APP: variants seen among roughly 807,000 people sequenced by gnomAD.
The protein encoded by APP is amyloid beta precursor protein.
Under a neutral mutation model 101.4 loss-of-function variants are expected in APP, and 31 were observed. That is an observed-to-expected ratio of 0.31 (90% CI 0.23 to 0.41). APP has a LOEUF of 0.41. Ranked by LOEUF, APP falls within the 10% of genes least tolerant of loss-of-function variation. The pLI is 1.00. For missense variants in APP, 839 were observed against 1,003.7 expected, an observed-to-expected ratio of 0.84 and a Z score of 2.22; for synonymous variants, 366 against 364.4, an observed-to-expected ratio of 1.00 and a Z score of -0.05.
At chr21:26,101,867 T>C (rs1255340804) in intron 2 of APP, among the ~76,000 whole-genome samples, 1 of 152,184 alleles carries the variant, frequency 6.6e-6, no homozygotes, top group Non-Finnish European at 1.5e-5. Flanking sequence ...CACAATTTAA[T>C]TGTATTAATA....
intron 17 of APP, among the ~76,000 whole-genome samples, chr21:25,888,293 C>T (rs557908561): frequency 1.8e-4 from 27 of 152,254 alleles, no homozygotes; most frequent in Admixed American, 4.6e-4. Flanking sequence ...TGGGTGCAGA[C>T]GCTGGAATGC....
intron 11 of APP, among the ~76,000 whole-genome samples, chr21:25,964,725 C>T (rs369800572): frequency 7.2e-5 from 11 of 151,792 alleles, no homozygotes; most frequent in Admixed American, 2.6e-4. Flanking sequence ...CTCAGCCTCC[C>T]GAGTAGCTGG....
At chr21:26,111,860 T>C (rs1425627951) in intron 2 of APP, 119 bp downstream of exon 2, 5 of 1,039,644 alleles carry the variant, frequency 4.8e-6, no homozygotes, top group Non-Finnish European at 7.6e-6. Flanking sequence ...GGTGAATCAT[T>C]AGGAACCAAG....
At chr21:26,024,306 C>T (rs1024687026) in intron 5 of APP, among the ~76,000 whole-genome samples, 1 of 150,422 alleles carries the variant, frequency 6.6e-6, no homozygotes, top group Non-Finnish European at 1.5e-5. Context: ...ATAATGTACC[C>T]AGAAGGAAAA....
chr21:26,031,507 AG>A (rs796209089), intron 5 of APP, among the ~76,000 whole-genome samples: 44 of 152,294 alleles, frequency 2.9e-4, no homozygotes, highest in African/African-American at 9.9e-4. Flanking sequence ...ATGGCTGGGG[AG>A]GCCTCAGAAT....
chr21:26,064,646 G>A (rs2830037), intron 3 of APP, among the ~76,000 whole-genome samples: 41,550 of 151,830 alleles, frequency 0.27, 6,993 homozygotes, highest in East Asian at 0.37. Flanking sequence ...AAGGCATGTG[G>A]TCTCTACAGC....
chr21:26,160,235 ACT>A lies in APP; in HGVS notation c.57+10327_57+10328del, dbSNP rs2063463584. 2.0e-5 allele frequency among the ~76,000 whole-genome samples: 3 copies of A among 152,162 alleles called. No homozygotes were observed. In the South Asian group the frequency reaches 6.2e-4, roughly 32 times the overall value. On this transcript the variant is annotated intron_variant, in intron 1 of 17. Coordinates refer to ENST00000346798, the MANE Select transcript of APP (RefSeq NM_000484.4). ...AAAATTGCAATTTTGTCTCAAATGT[ACT>A]CTTAAAAGTGAAACCCTCCACAATT...
intron 5 of APP, among the ~76,000 whole-genome samples, chr21:26,037,543 A>C (rs1461479290): frequency 2.0e-5 from 3 of 152,206 alleles, no homozygotes; most frequent in Non-Finnish European, 4.4e-5. Context: ...AAATGTTGCT[A>C]GGTGTGTTTC....
At chr21:26,119,006 A>T (rs2062501917) in intron 1 of APP, among the ~76,000 whole-genome samples, 1 of 152,204 alleles carries the variant, frequency 6.6e-6, no homozygotes, top group Non-Finnish European at 1.5e-5. Context: ...AAAAAGGGTT[A>T]GAGGCAAAAA....
At chr21:25,934,423 T>C (rs1421142793) in intron 13 of APP, 2 of 152,150 alleles carry the variant, frequency 1.3e-5, no homozygotes, top group Non-Finnish European at 2.9e-5. Context: ...ATAATAAATA[T>C]ACTGGAATAG....
At chr21:26,149,678 G>A (rs983278619) in intron 1 of APP, among the ~76,000 whole-genome samples, 18 of 152,066 alleles carry the variant, frequency 1.2e-4, no homozygotes, top group African/African-American at 2.2e-4. Flanking sequence ...TACTCTAAAC[G>A]CTCTTTTAAA....
chr21:26,166,607 G>GA (rs918313059), intron 1 of APP, among the ~76,000 whole-genome samples: 97 of 146,386 alleles, frequency 6.6e-4, no homozygotes, highest in South Asian at 2.2e-3. Context: ...ATTAAAAAAA[G>GA]AAAAAAAAAA....
chr21:26,146,411 T>A (rs538596722), intron 1 of APP, among the ~76,000 whole-genome samples: 2 of 152,368 alleles, frequency 1.3e-5, no homozygotes, highest in Admixed American at 1.3e-4. Flanking sequence ...GTTATATCAC[T>A]GTTTTACTTT....
At chr21:25,906,667 A>G (rs1480017442) in intron 14 of APP, among the ~76,000 whole-genome samples, 1 of 151,856 alleles carries the variant, frequency 6.6e-6, no homozygotes, top group African/African-American at 2.4e-5. Flanking sequence ...TCTATACTTC[A>G]TTTTTTTTCC....
intron 16 of APP, among the ~76,000 whole-genome samples, chr21:25,894,281 T>C (rs1259743239): frequency 2.0e-5 from 3 of 152,230 alleles, no homozygotes; most frequent in Non-Finnish European, 2.9e-5. Flanking sequence ...GGATCAACTT[T>C]CAAGTCTTAT....
intron 16 of APP, among the ~76,000 whole-genome samples, chr21:25,894,808 C>T (rs553960731): frequency 3.1e-4 from 47 of 152,296 alleles, no homozygotes; most frequent in African/African-American, 1.1e-3. Context: ...AAGACTGACT[C>T]CAATTTTGAA....
chr21:25,955,672 A>G lies in APP; in HGVS notation c.1542T>C (p.His514=). 2 of 1,614,158 alleles carry G rather than the reference A, an allele frequency of 1.2e-6. No homozygotes were observed. The highest frequency in any genetic ancestry group is 1.7e-6 in the Non-Finnish European group (2 of 1,180,018). Residue 514 remains histidine, a synonymous_variant, in exon 12 of 18, where the codon CAT becomes CAC. Coordinates refer to ENST00000346798, the MANE Select transcript of APP (RefSeq NM_000484.4). ...DRQHTLKHFE[H]VRMVDPKKAA... is the part of the protein sequence containing the mutation. Reference sequence around the variant, plus strand: ...CTTTCTTGGGATCCACCATGCGCACATGCTCGAAATGCTTTAGGGTGTGCT... The same window carrying G: ...CTTTCTTGGGATCCACCATGCGCACGTGCTCGAAATGCTTTAGGGTGTGCT...
intron 1 of APP, among the ~76,000 whole-genome samples, chr21:26,153,060 G>A (rs1445481771): frequency 2.0e-5 from 3 of 152,152 alleles, no homozygotes; most frequent in South Asian, 2.1e-4. Context: ...ACCAAAAACC[G>A]TATGTTCTCT....
intron 13 of APP, among the ~76,000 whole-genome samples, chr21:25,949,384 A>T (rs1600996981): frequency 6.6e-6 from 1 of 152,234 alleles, no homozygotes; most frequent in African/African-American, 2.4e-5. Flanking sequence ...ACCCTGATTT[A>T]TGCTTTGTTA....
Sources: gnomAD v4.1 joint callset for allele counts (sites outside exome capture counted in the v4.1 genomes callset) on GRCh38, gnomAD v4.1.1 for gene constraint, MANE v1.5 for transcripts, NCBI Gene and HGNC (gene_info 2026-07-23, HGNC 2026-07-21) for gene names.